The following TNFAIP8 variants were observed in gnomAD, a reference collection of about 807,000 sequenced individuals.
TNFAIP8 encodes tumor necrosis factor alpha-induced protein 8.
A neutral mutation model predicts 13.3 loss-of-function variants in TNFAIP8; 7 were observed. The observed-to-expected ratio is 0.52, with a 90% CI of 0.30 to 0.99. TNFAIP8 has a LOEUF of 0.99. Ranked by LOEUF, TNFAIP8 falls within the 50% of genes least tolerant of loss-of-function variation. The pLI is 0.07. For synonymous variants in TNFAIP8, 94 were observed against 87.6 expected (o/e 1.07, Z -0.41); for missense variants, 258 against 236.9 (o/e 1.09, Z -0.58).
At chr5:119,270,120 A>G (rs1016127144) in intron 1 of TNFAIP8, among the ~76,000 whole-genome samples, 3 of 152,254 alleles carry the variant, frequency 2.0e-5, no homozygotes, top group African/African-American at 7.2e-5. Context: ...CTGTGTGGCC[A>G]AAGGAAATAA....
chr5:119,295,021 G>A (rs1363567092), intron 1 of TNFAIP8, among the ~76,000 whole-genome samples: 1 of 151,828 alleles, frequency 6.6e-6, no homozygotes, highest in Non-Finnish European at 1.5e-5. Context: ...AGTTTCTTTT[G>A]CTGTGCAGAA....
At chr5:119,323,605 A>G (rs1330971834) in intron 1 of TNFAIP8, among the ~76,000 whole-genome samples, 1 of 152,184 alleles carries the variant, frequency 6.6e-6, no homozygotes, top group Admixed American at 6.5e-5. Context: ...AGTGCTCTGT[A>G]TGTTTCCCTC....
At chr5:119,310,787 A>G (rs540134502) in intron 1 of TNFAIP8, among the ~76,000 whole-genome samples, 46 of 152,234 alleles carry the variant, frequency 3.0e-4, no homozygotes, top group Admixed American at 7.2e-4. Context: ...AGATTGCGCC[A>G]CTGCACTCCA....
chr5:119,388,835 G>A (rs546693149), intron 1 of TNFAIP8, among the ~76,000 whole-genome samples: 1 of 151,358 alleles, frequency 6.6e-6, no homozygotes, highest in East Asian at 1.9e-4. Flanking sequence ...GTAGAGACAG[G>A]GTCTTGCTAT....
intron 1 of TNFAIP8, among the ~76,000 whole-genome samples, chr5:119,297,416 TTGAG>T (rs1483723587): frequency 2.0e-5 from 3 of 152,226 alleles, no homozygotes; most frequent in Non-Finnish European, 4.4e-5. Context: ...TTGAGCGGTT[TTGAG>T]TGAGTTTCTT....
chr5:119,378,995 C>G (rs1369138052), intron 1 of TNFAIP8, among the ~76,000 whole-genome samples: 1 of 152,090 alleles, frequency 6.6e-6, no homozygotes. Context: ...CCCAGGAGTT[C>G]AAGGTTGCAG....
At chr5:119,359,403 C>G (rs1354564264) in intron 1 of TNFAIP8, among the ~76,000 whole-genome samples, 1 of 152,218 alleles carries the variant, frequency 6.6e-6, no homozygotes, top group African/African-American at 2.4e-5. Context: ...TCTCCCCACA[C>G]TGCTTAACAT....
chr5:119,288,538 G>C lies in TNFAIP8; in HGVS notation c.1+19631G>C, dbSNP rs80006286. On this transcript the variant is annotated intron_variant, in intron 1 of 1. Coordinates refer to the TNFAIP8 transcript ENST00000274456. The stretch of plus-strand genomic sequence containing the variant: ...TTAAATACACATCTTTAAGAGATTA[G>C]ACAGAGTTTTGCTCAAGCAATGGCT... 6.7e-3 allele frequency among the ~76,000 whole-genome samples: 1,026 copies of C among 152,344 alleles called. 17 individuals are homozygous for C. In the East Asian group the frequency reaches 0.073, roughly 11 times the overall value.
chr5:119,276,009 G>C (rs1008884999), intron 1 of TNFAIP8, among the ~76,000 whole-genome samples: 1 of 152,178 alleles, frequency 6.6e-6, no homozygotes, highest in African/African-American at 2.4e-5. Context: ...AGGTTGGGCA[G>C]TGACTTGCGG....
intron 1 of TNFAIP8, among the ~76,000 whole-genome samples, chr5:119,377,342 A>G (rs1234874740): frequency 6.6e-6 from 1 of 151,976 alleles, no homozygotes; most frequent in Admixed American, 6.6e-5. Flanking sequence ...GGTCAGAGTG[A>G]CATTGCACTC....
intron 1 of TNFAIP8, among the ~76,000 whole-genome samples, chr5:119,300,203 G>A (rs542186745): frequency 8.5e-5 from 13 of 152,206 alleles, no homozygotes; most frequent in African/African-American, 2.2e-4. Context: ...CTTCTGTGTC[G>A]CTCACGCCGG....
chr5:119,385,067 C>A (rs1234937126), intron 1 of TNFAIP8, among the ~76,000 whole-genome samples: 1 of 152,112 alleles, frequency 6.6e-6, no homozygotes, highest in African/African-American at 2.4e-5. Flanking sequence ...TTTTCTTGTC[C>A]ACGAATTTGG....
At chr5:119,311,115 T>C (rs1749715431) in intron 1 of TNFAIP8, among the ~76,000 whole-genome samples, 1 of 152,132 alleles carries the variant, frequency 6.6e-6, no homozygotes, top group Non-Finnish European at 1.5e-5. Flanking sequence ...CTCAACCTCC[T>C]GGCCTTGAGC....
chr5:119,356,837 T>C (rs1341305427), intron 1 of TNFAIP8, among the ~76,000 whole-genome samples: 1 of 152,060 alleles, frequency 6.6e-6, no homozygotes, highest in Non-Finnish European at 1.5e-5. Flanking sequence ...GGGGAGTTTA[T>C]TTGTGTGTGA....
intron 1 of TNFAIP8, among the ~76,000 whole-genome samples, chr5:119,323,167 C>T (rs1419671763): frequency 6.6e-6 from 1 of 152,156 alleles, no homozygotes; most frequent in South Asian, 2.1e-4. Flanking sequence ...GGCAGTTGCA[C>T]CCCCTACACT....
chr5:119,291,804 AT>A (rs1223583927), intron 1 of TNFAIP8, among the ~76,000 whole-genome samples: 2 of 152,190 alleles, frequency 1.3e-5, no homozygotes, highest in African/African-American at 4.8e-5. Context: ...AAAGTTGGAG[AT>A]TTCTTCTTTC....
intron 1 of TNFAIP8, among the ~76,000 whole-genome samples, chr5:119,293,911 C>A (rs565347768): frequency 6.6e-6 from 1 of 152,156 alleles, no homozygotes; most frequent in Non-Finnish European, 1.5e-5. Context: ...TGTCAGATAA[C>A]ACTTGCAGCG....
At chr5:119,348,343 C>G (rs1369611878) in intron 1 of TNFAIP8, among the ~76,000 whole-genome samples, 1 of 152,156 alleles carries the variant, frequency 6.6e-6, no homozygotes, top group East Asian at 1.9e-4. Context: ...TATCTCATCA[C>G]AAAATTATTT....
intron 1 of TNFAIP8, among the ~76,000 whole-genome samples, chr5:119,311,994 CAGAA>C (rs1749746754): frequency 6.6e-6 from 1 of 151,696 alleles, no homozygotes; most frequent in South Asian, 2.1e-4. Flanking sequence ...GGAACCATGA[CAGAA>C]AGAAAAAAGA....
Sources: allele counts gnomAD v4.1 joint callset (sites outside exome capture counted in the v4.1 genomes callset), GRCh38; gene constraint gnomAD v4.1.1; transcripts MANE v1.5; gene names NCBI Gene and HGNC (gene_info 2026-07-23, HGNC 2026-07-21).